Variants in CNTN4 observed in about 807,000 individuals in gnomAD.
CNTN4 encodes contactin-4.
A neutral mutation model predicts 122.5 loss-of-function variants in CNTN4; 77 were observed. The observed-to-expected ratio is 0.63, with a 90% CI of 0.52 to 0.76. The LOEUF is 0.76. Ranked by LOEUF, CNTN4 falls within the 30% of genes least tolerant of loss-of-function variation. CNTN4 has a pLI of 0.00. For synonymous variants in CNTN4, 512 were observed against 447.0 expected, an observed-to-expected ratio of 1.15 and a Z score of -1.83; for missense variants, 1,256 against 1,259.1, an observed-to-expected ratio of 1.00 and a Z score of 0.04.
At chr3:2,987,628 C>T (rs1577517479) in intron 13 of CNTN4, among the ~76,000 whole-genome samples, 1 of 152,164 alleles carries the variant, frequency 6.6e-6, no homozygotes, top group South Asian at 2.1e-4. Flanking sequence ...TTTGTATTTT[C>T]CTACTTCTCT....
intron 6 of CNTN4, among the ~76,000 whole-genome samples, chr3:2,797,916 G>T: frequency 1.2e-5 from 1 of 81,206 alleles, no homozygotes. Flanking sequence ...TGACCACACT[G>T]AGTATTTTTT....
intron 6 of CNTN4, among the ~76,000 whole-genome samples, chr3:2,766,170 C>A (rs57236666): frequency 2.0e-5 from 3 of 152,162 alleles, no homozygotes; most frequent in South Asian, 2.1e-4. Flanking sequence ...GTTAATGTGG[C>A]CTTCTTCAGT....
At chr3:2,955,390 T>C (rs767535653) in intron 13 of CNTN4, among the ~76,000 whole-genome samples, 3 of 152,186 alleles carry the variant, frequency 2.0e-5, no homozygotes, top group Non-Finnish European at 2.9e-5. Context: ...AGTGACAAAA[T>C]ACACACAAAC....
intron 6 of CNTN4, among the ~76,000 whole-genome samples, chr3:2,807,332 G>T (rs781701585): frequency 7.9e-5 from 12 of 152,144 alleles, no homozygotes; most frequent in Non-Finnish European, 1.6e-4. Flanking sequence ...TGAACACGTA[G>T]CTTGCGTGTA....
At chr3:2,795,881 G>A (rs2092161326) in intron 6 of CNTN4, among the ~76,000 whole-genome samples, 1 of 152,050 alleles carries the variant, frequency 6.6e-6, no homozygotes, top group Non-Finnish European at 1.5e-5. Flanking sequence ...TGTGATCAAG[G>A]CAAAAAGAAA....
intron 2 of CNTN4, among the ~76,000 whole-genome samples, chr3:2,117,528 G>T (rs1016991869): frequency 1.3e-5 from 2 of 152,144 alleles, no homozygotes; most frequent in African/African-American, 4.8e-5. Flanking sequence ...CTTCCAGGAG[G>T]TTGGGGGAGG....
chr3:2,872,068 T>C (rs1236369318), intron 8 of CNTN4, among the ~76,000 whole-genome samples: 2 of 152,194 alleles, frequency 1.3e-5, no homozygotes, highest in Non-Finnish European at 2.9e-5. Context: ...TGATCCTTAT[T>C]AGCACAGCTG....
chr3:2,177,656 TTGTGTGTGTGTG>T (rs60145608), intron 2 of CNTN4, among the ~76,000 whole-genome samples: 22 of 147,538 alleles, frequency 1.5e-4, no homozygotes, highest in Non-Finnish European at 2.2e-4. Flanking sequence ...GTGTGTGTGT[TTGTGTGTGTGTG>T]TGTGTGTGTG....
chr3:2,720,421 G>T (rs1042174045), intron 4 of CNTN4, among the ~76,000 whole-genome samples: 4 of 152,086 alleles, frequency 2.6e-5, no homozygotes, highest in Admixed American at 1.3e-4. Context: ...TCAGAGACCT[G>T]GGGAAGATTA....
chr3:2,488,035 C>G (rs967227783), intron 3 of CNTN4, among the ~76,000 whole-genome samples: 3 of 152,284 alleles, frequency 2.0e-5, no homozygotes, highest in South Asian at 2.1e-4. Flanking sequence ...TTGGTGTGTA[C>G]CTTACCAATC....
chr3:2,476,283 A>C (rs1267894168), intron 3 of CNTN4, among the ~76,000 whole-genome samples: 1 of 152,174 alleles, frequency 6.6e-6, no homozygotes, highest in African/African-American at 2.4e-5. Context: ...ATGGAAGTGG[A>C]GTGAGCCAAT....
chr3:2,127,016 T>C (rs2034206993), intron 2 of CNTN4, among the ~76,000 whole-genome samples: 1 of 152,222 alleles, frequency 6.6e-6, no homozygotes, highest in South Asian at 2.1e-4. Flanking sequence ...CCAGTTTTCA[T>C]AGTTACATAG....
chr3:3,000,803 C>A (rs1695955816), intron 14 of CNTN4, among the ~76,000 whole-genome samples: 1 of 152,098 alleles, frequency 6.6e-6, no homozygotes, highest in South Asian at 2.1e-4. Flanking sequence ...TGCTTCTACT[C>A]CAGAGCAAAA....
chr3:2,372,277 C>T (rs541800208), intron 3 of CNTN4, among the ~76,000 whole-genome samples: 19 of 152,274 alleles, frequency 1.2e-4, no homozygotes, highest in African/African-American at 4.1e-4. Context: ...ATAAAGGAGA[C>T]ATAAATGGCT....
chr3:2,617,911 AT>A (rs2081835586), intron 4 of CNTN4, among the ~76,000 whole-genome samples: 1 of 152,222 alleles, frequency 6.6e-6, no homozygotes, highest in African/African-American at 2.4e-5. Flanking sequence ...CATATAAAAA[AT>A]ATTTGTCATA....
chr3:2,216,584 G>C (rs1248248436), intron 2 of CNTN4, among the ~76,000 whole-genome samples: 2 of 152,070 alleles, frequency 1.3e-5, no homozygotes, highest in Non-Finnish European at 2.9e-5. Flanking sequence ...TCAACACCTA[G>C]AATGAGTAAT....
chr3:2,598,820 A>T (rs1053545647), intron 4 of CNTN4, among the ~76,000 whole-genome samples: 1 of 151,726 alleles, frequency 6.6e-6, no homozygotes, highest in African/African-American at 2.4e-5. Flanking sequence ...TATACATGAA[A>T]GGGGTATTAA....
chr3:2,586,532 C>A (rs1417639070), intron 4 of CNTN4, among the ~76,000 whole-genome samples: 2 of 152,172 alleles, frequency 1.3e-5, no homozygotes, highest in Non-Finnish European at 2.9e-5. Flanking sequence ...ATCTCGTGAT[C>A]TGCCCGCCTC....
At chr3:2,914,727 T>C (rs2094336145) in intron 12 of CNTN4, among the ~76,000 whole-genome samples, 1 of 152,184 alleles carries the variant, frequency 6.6e-6, no homozygotes, top group Non-Finnish European at 1.5e-5. Flanking sequence ...TAACACCAGT[T>C]TTCCCCAAAC....
Sources: allele counts gnomAD v4.1 joint callset (sites outside exome capture counted in the v4.1 genomes callset), GRCh38; gene constraint gnomAD v4.1.1; transcripts MANE v1.5; gene names NCBI Gene and HGNC (gene_info 2026-07-23, HGNC 2026-07-21).